Variants in GABRG3 observed in about 807,000 individuals in gnomAD.
GABRG3 encodes the protein gamma-aminobutyric acid receptor subunit gamma-3.
Under a neutral mutation model 48.8 loss-of-function variants are expected in GABRG3, and 25 were observed. The observed-to-expected ratio is 0.51, with a 90% CI of 0.37 to 0.72. GABRG3 has a LOEUF of 0.72. Ranked by LOEUF, GABRG3 falls within the 30% of genes least tolerant of loss-of-function variation. The pLI is 0.00. For synonymous variants in GABRG3, 227 were observed against 217.6 expected (o/e 1.04, Z -0.38); for missense variants, 394 against 577.9 (o/e 0.68, Z 3.26).
chr15:27,194,019 T>C (rs1450172780), intron 3 of GABRG3, among the ~76,000 whole-genome samples: 1 of 152,260 alleles, frequency 6.6e-6, no homozygotes, highest in African/African-American at 2.4e-5. Context: ...ATTACTTGAA[T>C]AGTTTTTAGA....
At chr15:27,235,467 A>G (rs914551567) in intron 3 of GABRG3, among the ~76,000 whole-genome samples, 3 of 151,368 alleles carry the variant, frequency 2.0e-5, no homozygotes, top group Non-Finnish European at 4.4e-5. Context: ...TTATCTTTAC[A>G]AACCGTCGTT....
chr15:27,368,912 G>A (rs1895303552), intron 5 of GABRG3, among the ~76,000 whole-genome samples: 1 of 152,158 alleles, frequency 6.6e-6, no homozygotes, highest in East Asian at 1.9e-4. Context: ...CCAAGTCGAA[G>A]GAACCCCACA....
intron 3 of GABRG3, among the ~76,000 whole-genome samples, chr15:27,260,191 G>C (rs886763279): frequency 4.6e-5 from 7 of 152,186 alleles, no homozygotes; most frequent in African/African-American, 1.7e-4. Flanking sequence ...GGATCAATGT[G>C]TGGGCAGGGC....
At chr15:27,372,900 T>C (rs1895461497) in intron 5 of GABRG3, among the ~76,000 whole-genome samples, 1 of 152,204 alleles carries the variant, frequency 6.6e-6, no homozygotes, top group African/African-American at 2.4e-5. Flanking sequence ...GCATTAGCCA[T>C]AGGGTGGTGA....
intron 3 of GABRG3, among the ~76,000 whole-genome samples, chr15:27,131,018 G>A (rs1030301109): frequency 2.0e-5 from 3 of 151,922 alleles, no homozygotes; most frequent in African/African-American, 4.8e-5. Flanking sequence ...CAATTTGTAT[G>A]CCTTTTAATT....
chr15:27,307,738 C>CAT (rs1287883660), intron 3 of GABRG3, among the ~76,000 whole-genome samples: 2 of 120,400 alleles, frequency 1.7e-5, no homozygotes, highest in African/African-American at 3.2e-5. Context: ...AATATATAAT[C>CAT]ATAGGTTTAT....
At chr15:27,398,791 A>G (rs1026536462) in intron 5 of GABRG3, among the ~76,000 whole-genome samples, 65 of 152,138 alleles carry the variant, frequency 4.3e-4, no homozygotes, top group African/African-American at 1.5e-3. Context: ...TATTTGCTTA[A>G]TTTTTCCAAA....
intron 3 of GABRG3, among the ~76,000 whole-genome samples, chr15:27,221,354 A>T (rs532344104): frequency 2.6e-5 from 4 of 152,200 alleles, no homozygotes; most frequent in Middle Eastern, 3.4e-3. Context: ...TTATTAGTTT[A>T]TGTTACTGTA....
chr15:27,461,410 T>C (rs1342811376), intron 5 of GABRG3, among the ~76,000 whole-genome samples: 3 of 152,216 alleles, frequency 2.0e-5, no homozygotes, highest in Non-Finnish European at 2.9e-5. Flanking sequence ...TGGTGGGTTC[T>C]TGGTCTCTCT....
At chr15:26,996,672 CAG>C (rs72000947) in intron 2 of GABRG3, among the ~76,000 whole-genome samples, 9,705 of 148,130 alleles carry the variant, frequency 0.066, 357 homozygotes, top group East Asian at 0.18. Context: ...TTTTTTGAGA[CAG>C]AGTCTTGCTC....
Position 26,974,942 on chromosome 15 carries a change from C to T in GABRG3, c.54-2060C>T, listed in dbSNP as rs1301328611. Among the ~76,000 whole-genome samples the T allele has an allele frequency of 1.3e-5, 2 of 150,826 alleles. No homozygotes were observed. The highest frequency in any genetic ancestry group is 6.6e-5 in the Admixed American group (1 of 15,126). On this transcript the variant is annotated intron_variant, in intron 1 of 9. Transcript: ENST00000615808. The surrounding 1 kb of genome is among the most constrained non-coding windows in gnomAD (Gnocchi z 4.3). Reference sequence around the variant, plus strand: ...AGGCTGGAGTGCAGTGACACTATCTCGGCTCACTGCAACCTCTGCCTCCTG... The same window carrying T: ...AGGCTGGAGTGCAGTGACACTATCTTGGCTCACTGCAACCTCTGCCTCCTG...
At position 27,226,647 on chromosome 15, in the gene GABRG3, T is replaced by C. The variant is rs550326293; in HGVS notation, c.271-100162T>C. ...GGTGCTTCCCCCAGCAAACGGGCAC[T>C]ATGCGGGGCAGTTGGCTGCCATTTT... On this transcript the variant is annotated intron_variant, in intron 3 of 9. Transcript: ENST00000615808. 2.0e-5 allele frequency among the ~76,000 whole-genome samples: 3 copies of C among 152,336 alleles called. No homozygotes were observed. In the South Asian group the frequency reaches 6.2e-4, roughly 32 times the overall value.
intron 6 of GABRG3, among the ~76,000 whole-genome samples, chr15:27,494,070 G>A (rs985575682): frequency 3.3e-5 from 5 of 151,742 alleles, no homozygotes; most frequent in Admixed American, 6.6e-5. Flanking sequence ...TTTTTTCTTC[G>A]TTAATATTGT....
At chr15:26,983,825 A>C (rs1182168225) in intron 2 of GABRG3, among the ~76,000 whole-genome samples, 1 of 152,166 alleles carries the variant, frequency 6.6e-6, no homozygotes, top group Non-Finnish European at 1.5e-5. Context: ...TCAAGCCTCA[A>C]ACTATTATCT....
At chr15:27,197,864 C>A (rs1888546376) in intron 3 of GABRG3, among the ~76,000 whole-genome samples, 1 of 152,144 alleles carries the variant, frequency 6.6e-6, no homozygotes, top group South Asian at 2.1e-4. Context: ...GGAATTTATC[C>A]ATTTCTTCTA....
intron 3 of GABRG3, among the ~76,000 whole-genome samples, chr15:27,235,599 C>A (rs1399605146): frequency 1.3e-5 from 2 of 152,170 alleles, no homozygotes; most frequent in Non-Finnish European, 2.9e-5. Flanking sequence ...CTCCATCCTT[C>A]ATGAGTTCTT....
intron 6 of GABRG3, 63 bp from the exon 7 acceptor site, chr15:27,519,909 T>C: frequency 8.7e-7 from 1 of 1,154,030 alleles, no homozygotes; most frequent in African/African-American, 1.6e-5. Flanking sequence ...AATTGTAAAT[T>C]ATTTTCCTGA....
chr15:27,040,630 CCT>C (rs1896259648), intron 3 of GABRG3, among the ~76,000 whole-genome samples: 1 of 152,232 alleles, frequency 6.6e-6, no homozygotes, highest in Admixed American at 6.5e-5. Context: ...TTTCTCCCAT[CCT>C]CTCTCATAAT....
At chr15:27,387,091 C>T (rs1895945776) in intron 5 of GABRG3, among the ~76,000 whole-genome samples, 2 of 152,090 alleles carry the variant, frequency 1.3e-5, no homozygotes, top group Admixed American at 1.3e-4. Flanking sequence ...CCCAGAATCT[C>T]CAAATATACT....
Sources: gnomAD v4.1 joint callset for allele counts (sites outside exome capture counted in the v4.1 genomes callset) on GRCh38, gnomAD v4.1.1 for gene constraint, Gnocchi (gnomAD v3.1) non-coding constraint, MANE v1.5 for transcripts, NCBI Gene and HGNC (gene_info 2026-07-23, HGNC 2026-07-21) for gene names.